Variants in GABRB1 observed in about 807,000 individuals in gnomAD.
GABRB1 encodes the protein gamma-aminobutyric acid type A receptor subunit beta1, also known as gamma-aminobutyric acid receptor subunit beta-1.
In GABRB1, 17 loss-of-function variants were observed where a neutral mutation model predicts 51.6. The ratio of observed to expected loss-of-function variants is 0.33; its 90% CI spans 0.23 to 0.49. The LOEUF is 0.49. Among genes scored for constraint, GABRB1 ranks in the 20% least tolerant of loss-of-function variants. The pLI, the probability that GABRB1 is intolerant of heterozygous loss-of-function variation, is 0.99. For synonymous variants in GABRB1, 247 were observed against 218.9 expected, an observed-to-expected ratio of 1.13 and a Z score of -1.14; for missense variants, 410 against 600.6, an observed-to-expected ratio of 0.68 and a Z score of 3.32.
chr4:47,145,504 G>A (rs558924248), intron 3 of GABRB1, among the ~76,000 whole-genome samples: 13 of 152,042 alleles, frequency 8.6e-5, no homozygotes, highest in South Asian at 8.3e-4. Context: ...CTGATTACAC[G>A]CACATGCATA....
Position 47,219,530 on chromosome 4 carries a change from C to T in GABRB1, c.461+58061C>T, listed in dbSNP as rs149076779. Among the ~76,000 whole-genome samples, 228 of 151,960 alleles carry T rather than the reference C, an allele frequency of 1.5e-3. 1 individual carries two copies. The highest frequency in any genetic ancestry group is 5.1e-3 in the African/African-American group (213 of 41,530). ...CTAAACTTATTTATTACATTTGGGC[C>T]ATTGTAGAATCTTTTGGACTCAGTG... On this transcript the variant is annotated intron_variant, in intron 4 of 8. Coordinates refer to ENST00000295454, the MANE Select transcript of GABRB1 (RefSeq NM_000812.4).
At chr4:47,202,264 C>T (rs1719928651) in intron 4 of GABRB1, among the ~76,000 whole-genome samples, 1 of 152,164 alleles carries the variant, frequency 6.6e-6, no homozygotes, top group African/African-American at 2.4e-5. Flanking sequence ...ATCCTGCCAC[C>T]TTGTGAAGAA....
intron 4 of GABRB1, among the ~76,000 whole-genome samples, chr4:47,173,923 A>G (rs1718547651): frequency 6.6e-6 from 1 of 152,198 alleles, no homozygotes; most frequent in Non-Finnish European, 1.5e-5. Context: ...ACATAGTCTC[A>G]AACATAGTCT....
intron 3 of GABRB1, among the ~76,000 whole-genome samples, chr4:47,102,744 G>C (rs1417533347): frequency 6.6e-6 from 1 of 151,976 alleles, no homozygotes; most frequent in Non-Finnish European, 1.5e-5. Flanking sequence ...CCAGCACATG[G>C]AAAACAAAGA....
chr4:47,315,031 T>C (rs1269771488), intron 4 of GABRB1, among the ~76,000 whole-genome samples: 1 of 151,974 alleles, frequency 6.6e-6, no homozygotes, highest in Non-Finnish European at 1.5e-5. Flanking sequence ...AAATGGGACC[T>C]AATTAAACTA....
chr4:47,051,421 A>G (rs1442804147), intron 3 of GABRB1, among the ~76,000 whole-genome samples: 1 of 152,234 alleles, frequency 6.6e-6, no homozygotes, highest in African/African-American at 2.4e-5. Context: ...AAGAGGTTGA[A>G]GTTCTCAGCA....
intron 4 of GABRB1, among the ~76,000 whole-genome samples, chr4:47,248,502 G>A (rs939120767): frequency 6.6e-6 from 1 of 152,042 alleles, no homozygotes; most frequent in Non-Finnish European, 1.5e-5. Flanking sequence ...TTTGGTATTA[G>A]GGTGATGCTG....
intron 8 of GABRB1, among the ~76,000 whole-genome samples, chr4:47,422,411 T>C (rs1729117850): frequency 6.6e-6 from 1 of 152,202 alleles, no homozygotes; most frequent in Non-Finnish European, 1.5e-5. Context: ...TCCCTTCTCC[T>C]CCTTGCTACC....
chr4:47,101,124 C>T (rs76993750), intron 3 of GABRB1, among the ~76,000 whole-genome samples: 4,916 of 152,064 alleles, frequency 0.032, 376 homozygotes, highest in East Asian at 0.17. Flanking sequence ...CTGGTAGACT[C>T]CCTTAGGACA....
intron 3 of GABRB1, among the ~76,000 whole-genome samples, chr4:47,094,110 A>G (rs879364227): frequency 3.3e-5 from 5 of 152,082 alleles, no homozygotes; most frequent in Non-Finnish European, 1.5e-5. Flanking sequence ...GCCTTACCTC[A>G]ACCAAGGAAG....
At chr4:47,028,003 T>C (rs1161403061), upstream of GABRB1, among the ~76,000 whole-genome samples, 1 of 151,720 alleles carries the variant, frequency 6.6e-6, no homozygotes, top group Non-Finnish European at 1.5e-5. Context: ...TATGAAATTG[T>C]ATTTTTCCAC....
intron 5 of GABRB1, among the ~76,000 whole-genome samples, chr4:47,386,214 A>G (rs1054910790): frequency 6.6e-6 from 1 of 152,216 alleles, no homozygotes; most frequent in African/African-American, 2.4e-5. Flanking sequence ...CTAGATGCTC[A>G]CCAGAATCAC....
In GABRB1 at chr4:47,281,539, T is replaced by C. The variant is rs1214616888; in HGVS notation, c.462-38588T>C. On this transcript the variant is annotated intron_variant, in intron 4 of 8. Transcript: ENST00000295454. Reference sequence around the variant, plus strand: ...TATCATATAATCTAGTAACCTCATTTCTGGATATATATCCAAAGGACTTTA... The same window carrying C: ...TATCATATAATCTAGTAACCTCATTCCTGGATATATATCCAAAGGACTTTA... 2.0e-5 allele frequency among the ~76,000 whole-genome samples: 3 copies of C among 152,148 alleles called. No individual in the cohort carries two copies. In the South Asian group the frequency reaches 6.2e-4, roughly 31 times the overall value.
At chr4:47,411,456 G>C (rs1033745998) in intron 8 of GABRB1, among the ~76,000 whole-genome samples, 5 of 152,142 alleles carry the variant, frequency 3.3e-5, no homozygotes, top group Non-Finnish European at 7.4e-5. Context: ...CAAAATTATA[G>C]AGATGGAGAA....
chr4:47,412,879 C>T (rs763992451), intron 8 of GABRB1, among the ~76,000 whole-genome samples: 1 of 152,186 alleles, frequency 6.6e-6, no homozygotes, highest in Non-Finnish European at 1.5e-5. Context: ...CTGGTTAAGG[C>T]TAGATGTGCC....
chr4:47,004,285 C>A (rs916560145), intron 1 of GABRB1, among the ~76,000 whole-genome samples: 1 of 152,168 alleles, frequency 6.6e-6, no homozygotes, highest in East Asian at 1.9e-4. Context: ...CCGTGCCTGA[C>A]CTACAATAAT....
intron 3 of GABRB1, among the ~76,000 whole-genome samples, chr4:47,137,371 T>C (rs896179191): frequency 6.6e-6 from 1 of 152,052 alleles, no homozygotes; most frequent in Non-Finnish European, 1.5e-5. Context: ...CCAGACCACT[T>C]AGAGGATTGA....
At chr4:47,299,243 T>A (rs1335501188) in intron 4 of GABRB1, among the ~76,000 whole-genome samples, 5 of 152,064 alleles carry the variant, frequency 3.3e-5, no homozygotes, top group African/African-American at 9.7e-5. Context: ...ACAAATGGGA[T>A]CTCATTAAAC....
intron 4 of GABRB1, among the ~76,000 whole-genome samples, chr4:47,307,311 T>C (rs1485622578): frequency 6.6e-6 from 1 of 152,142 alleles, no homozygotes; most frequent in Non-Finnish European, 1.5e-5. Flanking sequence ...CTAATTTTGT[T>C]TTGTAGCTTT....
Sources: gnomAD v4.1 joint callset for allele counts (sites outside exome capture counted in the v4.1 genomes callset) on GRCh38, gnomAD v4.1.1 for gene constraint, MANE v1.5 for transcripts, NCBI Gene and HGNC (gene_info 2026-07-23, HGNC 2026-07-21) for gene names.